ANKRD36C: variants seen among roughly 807,000 people sequenced by gnomAD.
The protein encoded by ANKRD36C is ankyrin repeat domain 36C.
In ANKRD36C, 61 loss-of-function variants were observed where a neutral mutation model predicts 276.4. That is an observed-to-expected ratio of 0.22 (90% CI 0.18 to 0.27). ANKRD36C has a LOEUF of 0.27. Ranked by LOEUF, ANKRD36C falls within the 10% of genes least tolerant of loss-of-function variation. The pLI, the probability that ANKRD36C is intolerant of heterozygous loss-of-function variation, is 1.00. For synonymous variants in ANKRD36C, 483 were observed against 680.1 expected (o/e 0.71, Z 4.51); for missense variants, 1,447 against 2,032.3 (o/e 0.71, Z 5.54).
chr2:95,936,658 G>T (rs1343184333), intron 22 of ANKRD36C, among the ~76,000 whole-genome samples: 7 of 151,218 alleles, frequency 4.6e-5, no homozygotes, highest in African/African-American at 1.7e-4. Context: ...CACCTAGCCA[G>T]CTGCTATCTT....
At chr2:95,962,280 C>T (rs184132024) in intron 8 of ANKRD36C, 72 bp downstream of exon 8, 137 of 1,464,534 alleles carry the variant, frequency 9.4e-5, no homozygotes, top group African/African-American at 2.0e-4. Flanking sequence ...GAGCTCCCTG[C>T]GATTTATTCA....
chr2:95,926,222 T>C (rs1326968853), intron 28 of ANKRD36C, among the ~76,000 whole-genome samples: 2 of 151,724 alleles, frequency 1.3e-5, no homozygotes, highest in African/African-American at 4.8e-5. Flanking sequence ...AAATATAATA[T>C]ATAAACCTTA....
At chr2:95,865,342 T>G (rs1283423196) in intron 60 of ANKRD36C, among the ~76,000 whole-genome samples, 2 of 152,056 alleles carry the variant, frequency 1.3e-5, no homozygotes, top group African/African-American at 2.4e-5. Context: ...GTCTTTATTT[T>G]ATTGATAAGC....
chr2:95,935,467 T>C (rs1677688794), exon 24 of ANKRD36C: 1 of 1,531,962 alleles, frequency 6.5e-7, no homozygotes, highest in African/African-American at 1.4e-5. Flanking sequence ...TTCCTGGAGG[T>C]GGTGAATCCT....
At chr2:95,927,575 A>G (rs1367285150) in intron 26 of ANKRD36C, among the ~76,000 whole-genome samples, 166 bp from the exon 27 acceptor site, 1 of 151,294 alleles carries the variant, frequency 6.6e-6, no homozygotes, top group Non-Finnish European at 1.5e-5. Context: ...AAATACACTG[A>G]AAAAAAAGGA....
At chr2:95,975,723 A>G (rs1171425994) in intron 6 of ANKRD36C, among the ~76,000 whole-genome samples, 1 of 152,372 alleles carries the variant, frequency 6.6e-6, no homozygotes, top group Middle Eastern at 3.4e-3. Context: ...ATGGGCAAGG[A>G]CTTCATGTCT....
At chr2:95,962,662 T>C in intron 6 of ANKRD36C, 115 bp from the exon 7 acceptor site, 2 of 1,310,406 alleles carry the variant, frequency 1.5e-6, no homozygotes, top group Non-Finnish European at 2.1e-6. Context: ...GTTTAGGTTT[T>C]TATGTTTTAT....
intron 13 of ANKRD36C, among the ~76,000 whole-genome samples, chr2:95,956,022 A>T (rs201322844): frequency 7.1e-4 from 102 of 143,558 alleles, no homozygotes; most frequent in Non-Finnish European, 1.1e-3. Context: ...AGAAGGAAAA[A>T]AGAAGAATCC....
intron 42 of ANKRD36C, among the ~76,000 whole-genome samples, chr2:95,909,998 T>A (rs553286544): frequency 6.6e-6 from 1 of 151,318 alleles, no homozygotes; most frequent in Non-Finnish European, 1.5e-5. Context: ...ACAACAAGTT[T>A]TCTGTCTGTT....
intron 17 of ANKRD36C, among the ~76,000 whole-genome samples, chr2:95,945,552 G>C (rs113558538): frequency 1.9e-5 from 1 of 53,362 alleles, no homozygotes; most frequent in Non-Finnish European, 4.2e-5. Flanking sequence ...AAAATACTTA[G>C]GCATGATATA....
intron 3 of ANKRD36C, 135 bp from the exon 4 acceptor site, chr2:95,982,497 T>A (rs1678943199): frequency 2.8e-6 from 2 of 725,180 alleles, no homozygotes; most frequent in African/African-American, 4.1e-5. Flanking sequence ...TTCTTTTCCC[T>A]CCTCGGTGCT....
intron 8 of ANKRD36C, 104 bp from the exon 9 acceptor site, chr2:95,960,771 A>G (rs550208181): frequency 1.7e-6 from 1 of 588,484 alleles, no homozygotes; most frequent in East Asian, 2.9e-5. Context: ...TGCCTGAATT[A>G]GCATAGGCTT....
At chr2:95,947,378 T>TA (rs1012902446) in intron 17 of ANKRD36C, among the ~76,000 whole-genome samples, 20 of 151,678 alleles carry the variant, frequency 1.3e-4, no homozygotes, top group Non-Finnish European at 2.1e-4. Context: ...ACATTCCATT[T>TA]AAAAAAAGCC....
At chr2:95,925,695 A>G in intron 28 of ANKRD36C, 148 bp from the exon 29 acceptor site, 1 of 944,292 alleles carries the variant, frequency 1.1e-6, no homozygotes, top group Non-Finnish European at 1.5e-6. Flanking sequence ...TGGGACAGGA[A>G]CATGAGGAAA....
chr2:95,916,572 C>G (rs1677103235), intron 36 of ANKRD36C, among the ~76,000 whole-genome samples: 1 of 151,614 alleles, frequency 6.6e-6, no homozygotes, highest in African/African-American at 2.4e-5. Context: ...GGATTTACAC[C>G]ATTACACTAC....
Position 95,914,307 on chromosome 2 carries a change from A to G in ANKRD36C, c.2450-4T>C. On this transcript the variant is annotated splice_polypyrimidine_tract_variant and splice_region_variant and intron_variant, in intron 38 of 66. Transcript: ENST00000456556. ...CCTGCTGGTTTCTCAGAAGTCACTG[A>G]AAAGTAAAAGGGATTCATAATCACT... The G allele has an allele frequency of 3.9e-6, 6 of 1,548,178 alleles. No homozygotes were observed. Among genetic ancestry groups the G allele is most frequent in the Non-Finnish European group, 5.2e-6 (6 of 1,145,198 alleles).
At chr2:95,893,590 C>G (rs758413762) in intron 44 of ANKRD36C, 7 of 1,575,282 alleles carry the variant, frequency 4.4e-6, no homozygotes, top group Non-Finnish European at 6.0e-6. Flanking sequence ...ACAGAATCTT[C>G]CTCGTCACCT....
chr2:95,988,979 C>G (rs995542174), intron 1 of ANKRD36C, among the ~76,000 whole-genome samples: 1 of 152,066 alleles, frequency 6.6e-6, no homozygotes, highest in Non-Finnish European at 1.5e-5. Context: ...ACCAGCCTGG[C>G]CAACATGGTG....
At chr2:95,914,359 A>T in intron 38 of ANKRD36C, 56 bp from the exon 41 acceptor site, 1 of 1,530,368 alleles carries the variant, frequency 6.5e-7, no homozygotes, top group Non-Finnish European at 8.8e-7. Context: ...AAAATTATCC[A>T]TACATTCATG....
Sources: allele counts gnomAD v4.1 joint callset (sites outside exome capture counted in the v4.1 genomes callset), GRCh38; gene constraint gnomAD v4.1.1; transcripts MANE v1.5; gene names NCBI Gene and HGNC (gene_info 2026-07-23, HGNC 2026-07-21).